Variants in SERGEF observed in about 807,000 individuals in gnomAD.
SERGEF encodes the protein secretion-regulating guanine nucleotide exchange factor.
A neutral mutation model predicts 50.0 loss-of-function variants in SERGEF; 51 were observed. That is an observed-to-expected ratio of 1.02 (90% CI 0.81 to 1.29). The LOEUF is 1.29. Ranked by LOEUF, SERGEF falls within the 50% of genes most tolerant of loss-of-function variation. The pLI is 0.00. For synonymous variants in SERGEF, 205 were observed against 212.4 expected (o/e 0.97, Z 0.30); for missense variants, 521 against 557.0 (o/e 0.94, Z 0.65).
chr11:17,901,476 A>G (rs2133920693), intron 9 of SERGEF, among the ~76,000 whole-genome samples: 1 of 152,324 alleles, frequency 6.6e-6, no homozygotes, highest in African/African-American at 2.4e-5. Context: ...GCTCACTTTT[A>G]CAGCCTACAT....
At chr11:17,870,187 G>A (rs1215361872) in intron 10 of SERGEF, among the ~76,000 whole-genome samples, 4 of 152,114 alleles carry the variant, frequency 2.6e-5, no homozygotes, top group African/African-American at 4.8e-5. Context: ...GTTTCCTGAC[G>A]CCTCCCCAGC....
chr11:17,790,899 G>A (rs1849474373), intron 10 of SERGEF, among the ~76,000 whole-genome samples: 1 of 152,156 alleles, frequency 6.6e-6, no homozygotes, highest in South Asian at 2.1e-4. Flanking sequence ...ACCCGTTTAA[G>A]TTGCCTCTTC....
At chr11:17,865,060 A>G (rs762597569) in intron 10 of SERGEF, among the ~76,000 whole-genome samples, 10 of 152,244 alleles carry the variant, frequency 6.6e-5, no homozygotes, top group Non-Finnish European at 1.0e-4. Context: ...TAGTCATGCT[A>G]TTTTGTTGAC....
intron 9 of SERGEF, among the ~76,000 whole-genome samples, chr11:17,912,555 G>A (rs1385144709): frequency 2.0e-5 from 3 of 152,150 alleles, no homozygotes; most frequent in Admixed American, 6.5e-5. Context: ...ACCAAGGAAC[G>A]AACTGAACAT....
chr11:17,927,099 A>G (rs1852266375), intron 9 of SERGEF, among the ~76,000 whole-genome samples: 1 of 152,134 alleles, frequency 6.6e-6, no homozygotes, highest in Non-Finnish European at 1.5e-5. Context: ...AGCACATCCT[A>G]AAAGAAAGAG....
chr11:17,812,637 T>A (rs1336148359), intron 10 of SERGEF, among the ~76,000 whole-genome samples: 1 of 152,208 alleles, frequency 6.6e-6, no homozygotes, highest in African/African-American at 2.4e-5. Flanking sequence ...AGGGCTCAGC[T>A]GTGTTTGCCT....
At position 18,006,691 on chromosome 11, in the gene SERGEF, A is replaced by T. The variant is rs1309946543; in HGVS notation, c.252T>A (p.Gly84=). Residue 84 remains glycine, a synonymous_variant, in exon 3 of 11, where the codon GGT becomes GGA. Transcript: ENST00000265965. ...TAAAATATGGGATATCCTCTGTGTGACCAAGCCCCAGTTGCCCATCTTTGT... is the reference window on the plus strand; with the variant it reads ...TAAAATATGGGATATCCTCTGTGTGTCCAAGCCCCAGTTGCCCATCTTTGT... ...GLNKDGQLGL[G]HTEDIPYFTP... is the part of the protein sequence containing the mutation. The T allele has an allele frequency of 3.7e-6, 6 of 1,614,064 alleles. No individual in the cohort carries two copies. The South Asian group carries it at 4.4e-5, about 12-fold the overall frequency.
chr11:17,846,806 G>A (rs1241474376), intron 10 of SERGEF: 3 of 455,666 alleles, frequency 6.6e-6, no homozygotes, highest in African/African-American at 6.0e-5. Flanking sequence ...CCAGAATGGT[G>A]GCTGACATGT....
chr11:18,004,331 T>G lies in SERGEF; in HGVS notation c.447+110A>C, dbSNP rs1020779163. The G allele has an allele frequency of 4.2e-6, 3 of 718,074 alleles. No homozygotes were observed. In the East Asian group the frequency reaches 8.6e-5, roughly 20 times the overall value. 44.5% of individuals were successfully genotyped at this position (718,074 alleles called of 1,614,324 possible). A position where few individuals can be genotyped will look rare whatever the true frequency, so the allele number is the denominator to read the frequency against. On this transcript the variant is annotated intron_variant, in intron 4 of 10. Coordinates refer to ENST00000265965, the MANE Select transcript of SERGEF (RefSeq NM_012139.4). ...TATTTTTCAACTCAAATTCTCCTAC[T>G]CCATGGGTTCTCAGGGATCCTGACA...
chr11:17,975,600 A>G (rs1294933354), intron 8 of SERGEF, among the ~76,000 whole-genome samples: 1 of 152,186 alleles, frequency 6.6e-6, no homozygotes. Context: ...GGCTCCCCTA[A>G]GAATTCAGAG....
chr11:17,949,634 G>A (rs920581944), intron 9 of SERGEF, among the ~76,000 whole-genome samples: 8 of 152,184 alleles, frequency 5.3e-5, no homozygotes, highest in Admixed American at 5.2e-4. Context: ...GAGGGAGAAA[G>A]TGTTTAGGAA....
intron 9 of SERGEF, among the ~76,000 whole-genome samples, chr11:17,905,192 T>A (rs1196491916): frequency 6.6e-6 from 1 of 152,246 alleles, no homozygotes; most frequent in East Asian, 1.9e-4. Flanking sequence ...GGGAGATTGC[T>A]TTTATTCCAC....
chr11:17,954,060 C>T (rs147059198), intron 9 of SERGEF, among the ~76,000 whole-genome samples: 61 of 152,266 alleles, frequency 4.0e-4, no homozygotes, highest in African/African-American at 1.4e-3. Flanking sequence ...AACACTGGAC[C>T]CTGCTACAAC....
intron 10 of SERGEF, among the ~76,000 whole-genome samples, chr11:17,856,990 C>T (rs972799108): frequency 5.3e-5 from 8 of 152,282 alleles, no homozygotes; most frequent in Non-Finnish European, 7.3e-5. Flanking sequence ...TTTGGCATAG[C>T]ACTGGTTTGG....
rs146184938 is a variant in SERGEF, at chr11:17,982,480, T to C, written c.844+6117A>G. 6.8e-3 allele frequency among the ~76,000 whole-genome samples: 1,033 copies of C among 152,338 alleles called. 13 individuals carry two copies. Among genetic ancestry groups the C allele is most frequent in the African/African-American group, 0.023 (968 of 41,580 alleles). ...AGTTTGACTTTCACTCATGGGGTTT[T>C]CAAAATTCTAAAGCACAAGCATCAT... On this transcript the variant is annotated intron_variant, in intron 8 of 10. Coordinates refer to ENST00000265965, the MANE Select transcript of SERGEF (RefSeq NM_012139.4).
intron 10 of SERGEF, among the ~76,000 whole-genome samples, chr11:17,801,587 T>C (rs1218249922): frequency 6.6e-6 from 1 of 152,184 alleles, no homozygotes; most frequent in African/African-American, 2.4e-5. Flanking sequence ...TAGTGCTATT[T>C]ATGAAGTTGA....
chr11:17,831,644 T>TG (rs1850310149), intron 10 of SERGEF, among the ~76,000 whole-genome samples: 1 of 152,262 alleles, frequency 6.6e-6, no homozygotes, highest in South Asian at 2.1e-4. Flanking sequence ...GAGGCTCATT[T>TG]GGGGAAATAC....
At chr11:17,862,175 T>C (rs1270713989) in intron 10 of SERGEF, among the ~76,000 whole-genome samples, 1 of 152,234 alleles carries the variant, frequency 6.6e-6, no homozygotes, top group African/African-American at 2.4e-5. Context: ...ATGTTGATCA[T>C]ATTCCCTGGA....
chr11:17,958,352 T>C (rs1040226994), intron 9 of SERGEF, among the ~76,000 whole-genome samples: 1 of 152,184 alleles, frequency 6.6e-6, no homozygotes, highest in Admixed American at 6.5e-5. Context: ...GTAAGCCAAC[T>C]TGGGTTCAGA....
Sources: allele counts gnomAD v4.1 joint callset (sites outside exome capture counted in the v4.1 genomes callset), GRCh38; gene constraint gnomAD v4.1.1; transcripts MANE v1.5; gene names NCBI Gene and HGNC (gene_info 2026-07-23, HGNC 2026-07-21).